EXT2: variants seen among roughly 807,000 people sequenced by gnomAD.
EXT2 encodes exostosin-2.
EXT2 carries 53 observed loss-of-function variants against 81.6 expected under a neutral mutation model. The observed-to-expected ratio is 0.65, with a 90% CI of 0.52 to 0.82. The LOEUF (loss-of-function observed/expected upper bound fraction) is 0.82. EXT2 is among the 40% of genes least tolerant of loss of function. The pLI is 0.00. For missense variants in EXT2, 774 were observed against 910.2 expected (o/e 0.85, Z 1.93); for synonymous variants, 320 against 340.0 (o/e 0.94, Z 0.65).
At position 44,244,909 on chromosome 11, in the gene EXT2, T is replaced by G. The variant is rs1956079490; in HGVS notation, c.*622T>G. ...CTTTGGTTTGGCTTTTTGATATGAT[T>G]AAAATTATTTTTTATTCCTTTTTCT... is the stretch of plus-strand genomic sequence containing the variant. On this transcript the variant is annotated 3_prime_UTR_variant, in exon 14 of 14. Coordinates refer to ENST00000533608, the MANE Select transcript of EXT2 (RefSeq NM_207122.2). 2 of 233,112 alleles carry G rather than the reference T, an allele frequency of 8.6e-6. No homozygotes were observed. The highest frequency in any genetic ancestry group is 5.5e-5 in the Admixed American group (1 of 18,136). 14.4% of individuals were successfully genotyped at this position (233,112 alleles called of 1,614,324 possible).
chr11:44,183,562 T>G (rs1034094550), intron 8 of EXT2, among the ~76,000 whole-genome samples: 1 of 152,208 alleles, frequency 6.6e-6, no homozygotes, highest in Non-Finnish European at 1.5e-5. Flanking sequence ...AGAATTCTAT[T>G]AAATCTTTGT....
intron 7 of EXT2, among the ~76,000 whole-genome samples, chr11:44,150,349 T>C (rs1448077452): frequency 6.6e-6 from 1 of 152,220 alleles, no homozygotes; most frequent in Non-Finnish European, 1.5e-5. Flanking sequence ...GTGGAGACTA[T>C]TTTTAAGAAG....
intron 1 of EXT2, among the ~76,000 whole-genome samples, chr11:44,101,182 G>A (rs918835989): frequency 6.6e-6 from 1 of 152,216 alleles, no homozygotes; most frequent in Non-Finnish European, 1.5e-5. Context: ...AGCTGGAGAG[G>A]AGAGAACCTG....
intron 7 of EXT2, among the ~76,000 whole-genome samples, chr11:44,143,191 A>T (rs1482687166): frequency 6.6e-6 from 1 of 152,228 alleles, no homozygotes; most frequent in East Asian, 1.9e-4. Flanking sequence ...ACTTCAGGTG[A>T]TCCACCTGCC....
intron 10 of EXT2, among the ~76,000 whole-genome samples, chr11:44,215,863 GA>G (rs1955711142): frequency 1.4e-5 from 2 of 145,592 alleles, no homozygotes; most frequent in East Asian, 2.1e-4. Flanking sequence ...TTCCATTTGG[GA>G]ATTTTTTTTT....
chr11:44,232,392 G>A lies in EXT2; in HGVS notation c.1702G>A (p.Gly568Ser). The A allele has an allele frequency of 6.2e-7, 1 of 1,614,000 alleles. No individual in the cohort carries two copies. Among genetic ancestry groups the A allele is most frequent in the Non-Finnish European group, 8.5e-7 (1 of 1,179,968 alleles). ...TCCTGACCGGTTGGTGGGTTACCCG[G>A]GTCGTCTGCATCTCTGGGACCATGA... ...EFPDRLVGYPGRLHLWDHEMN... is the reference protein window; with the variant it reads ...EFPDRLVGYPSRLHLWDHEMN... The change falls in exon 11 of 14, where the codon GGT becomes AGT. Residue 568 changes from glycine (G) to serine (S), a missense_variant. Gly to Ser is a moderately conservative substitution (Grantham distance 56). Transcript: ENST00000533608.
intron 8 of EXT2, among the ~76,000 whole-genome samples, chr11:44,196,114 C>G (rs1955452640): frequency 6.6e-6 from 1 of 152,106 alleles, no homozygotes; most frequent in Admixed American, 6.6e-5. Context: ...TTAATGGTAG[C>G]AAAGAGATTG....
At chr11:44,180,096 A>G (rs1167235800) in intron 8 of EXT2, among the ~76,000 whole-genome samples, 1 of 152,232 alleles carries the variant, frequency 6.6e-6, no homozygotes, top group Non-Finnish European at 1.5e-5. Flanking sequence ...AAGTAAAAGA[A>G]ACCATAGAAT....
rs1955769837 is a variant in EXT2, at chr11:44,220,441, T to A, written c.1663-11912T>A. Among the ~76,000 whole-genome samples the A allele has an allele frequency of 6.6e-6, 1 of 152,182 alleles. No individual in the cohort carries two copies. Among genetic ancestry groups the A allele is most frequent in the Non-Finnish European group, 1.5e-5 (1 of 68,028 alleles). On this transcript the variant is annotated intron_variant, in intron 10 of 13. Coordinates refer to ENST00000533608, the MANE Select transcript of EXT2 (RefSeq NM_207122.2). This position sits in a 1 kb window ranked among gnomAD's most constrained non-coding sequence, Gnocchi z 4.4. ...CTGTCTGTTACCTCCATTTTTCACT[T>A]TTTGGAAGTACCTGAAGGGTTGCCA...
intron 7 of EXT2, among the ~76,000 whole-genome samples, chr11:44,142,021 A>G (rs1407760777): frequency 6.6e-6 from 1 of 152,228 alleles, no homozygotes; most frequent in African/African-American, 2.4e-5. Flanking sequence ...CAGTGTTTTC[A>G]AACCTTCAAA....
chr11:44,151,891 C>T (rs1954796952), intron 7 of EXT2, among the ~76,000 whole-genome samples: 1 of 152,154 alleles, frequency 6.6e-6, no homozygotes, highest in Non-Finnish European at 1.5e-5. Flanking sequence ...GTTCTCAGTG[C>T]TTTGGATTTT....
chr11:44,244,436 A>G lies in EXT2; in HGVS notation c.*149A>G. 1 of 744,006 alleles carries G rather than the reference A, an allele frequency of 1.3e-6. No homozygotes were observed. The highest frequency in any genetic ancestry group is 2.6e-5 in the East Asian group (1 of 37,856). 46.1% of individuals were successfully genotyped at this position (744,006 alleles called of 1,614,324 possible). A position where few individuals can be genotyped will look rare whatever the true frequency, so the allele number is the denominator to read the frequency against. Reference sequence around the variant, plus strand: ...TGCACCCACCTAACCCACTTTCTCAAGAACAAGAACCTAGAATGAATATCC... The same window carrying G: ...TGCACCCACCTAACCCACTTTCTCAGGAACAAGAACCTAGAATGAATATCC... On this transcript the variant is annotated 3_prime_UTR_variant, in exon 14 of 14. Coordinates refer to ENST00000533608, the MANE Select transcript of EXT2 (RefSeq NM_207122.2).
At chr11:44,200,125 G>A (rs532514639) in intron 9 of EXT2, among the ~76,000 whole-genome samples, 7 of 149,988 alleles carry the variant, frequency 4.7e-5, no homozygotes, top group East Asian at 3.9e-4. Context: ...GATTTTTCAC[G>A]TACAGCATTA....
chr11:44,197,323 T>C (rs1282867877), intron 8 of EXT2, among the ~76,000 whole-genome samples: 1 of 152,154 alleles, frequency 6.6e-6, no homozygotes, highest in African/African-American at 2.4e-5. Flanking sequence ...GTTTCATTCC[T>C]GAACCCTGTG....
chr11:44,120,168 A>G (rs1410339577), intron 4 of EXT2, among the ~76,000 whole-genome samples: 1 of 152,210 alleles, frequency 6.6e-6, no homozygotes, highest in Non-Finnish European at 1.5e-5. Flanking sequence ...AGTTTCAGAG[A>G]TTATATATTG....
At chr11:44,165,174 G>A (rs1031055323) in intron 7 of EXT2, among the ~76,000 whole-genome samples, 1 of 152,176 alleles carries the variant, frequency 6.6e-6, no homozygotes, top group African/African-American at 2.4e-5. Context: ...CACCGCGCCC[G>A]GCCCACACTT....
rs1440966591 is a variant in EXT2, at chr11:44,250,642, T to A, written c.*6355T>A. Among the ~76,000 whole-genome samples the A allele has an allele frequency of 6.6e-6, 1 of 152,136 alleles. No individual in the cohort carries two copies. The highest frequency in any genetic ancestry group is 2.4e-5 in the African/African-American group (1 of 41,428). ...TGCTATAAATAAGCCCCATGTTTAT[T>A]TTCTTATGTTATTGAAATGAGCACT... is the stretch of plus-strand genomic sequence containing the variant. On this transcript the variant is annotated 3_prime_UTR_variant, in exon 14 of 14. Coordinates refer to ENST00000533608, the MANE Select transcript of EXT2 (RefSeq NM_207122.2).
At chr11:44,238,593 A>T (rs1251344249) in intron 13 of EXT2, among the ~76,000 whole-genome samples, 1 of 152,196 alleles carries the variant, frequency 6.6e-6, no homozygotes, top group African/African-American at 2.4e-5. Context: ...TAACAATGCA[A>T]TTTGTGATGA....
At chr11:44,216,128 G>A (rs1955716368) in intron 10 of EXT2, among the ~76,000 whole-genome samples, 1 of 151,516 alleles carries the variant, frequency 6.6e-6, no homozygotes, top group Admixed American at 6.6e-5. Flanking sequence ...CACCCGCCTC[G>A]GTCTCCCAAA....
Sources: gnomAD v4.1 joint callset for allele counts (sites outside exome capture counted in the v4.1 genomes callset) on GRCh38, gnomAD v4.1.1 for gene constraint, Gnocchi (gnomAD v3.1) non-coding constraint, MANE v1.5 for transcripts, NCBI Gene and HGNC (gene_info 2026-07-23, HGNC 2026-07-21) for gene names.